The following NHS variants were observed in gnomAD, a reference collection of about 807,000 sequenced individuals.
NHS encodes NHS actin remodeling regulator.
NHS carries 5 observed loss-of-function variants against 72.5 expected under a neutral mutation model. That is an observed-to-expected ratio of 0.07 (90% CI 0.04 to 0.14). NHS has a LOEUF of 0.14. Ranked by LOEUF, NHS falls within the 10% of genes least tolerant of loss-of-function variation. NHS has a pLI of 1.00. For synonymous variants in NHS, 464 were observed against 547.7 expected (o/e 0.85, Z 2.13); for missense variants, 1,072 against 1,355.7 (o/e 0.79, Z 3.29).
At chrX:17,678,328 G>A (rs2066099468) in intron 1 of NHS, among the ~76,000 whole-genome samples, 1 of 107,929 alleles carries the variant, frequency 9.3e-6, no homozygotes, top group African/African-American at 3.4e-5. Flanking sequence ...CAGAGAATTA[G>A]TCTGTTCTCA....
chrX:17,442,346 C>A (rs771939224), intron 1 of NHS, among the ~76,000 whole-genome samples: 2 of 112,114 alleles, frequency 1.8e-5, no homozygotes, highest in Non-Finnish European at 3.8e-5. Context: ...CCAAAGAGCC[C>A]TGAATTGAGC....
At chrX:17,666,832 G>A (rs965804329) in intron 1 of NHS, among the ~76,000 whole-genome samples, 1 of 112,113 alleles carries the variant, frequency 8.9e-6, no homozygotes, top group Non-Finnish European at 1.9e-5. Context: ...AGCAGCACGC[G>A]AAAAGAGAGA....
chrX:17,699,464 T>A (rs2066249625), intron 3 of NHS, among the ~76,000 whole-genome samples: 1 of 112,210 alleles, frequency 8.9e-6, no homozygotes, highest in Non-Finnish European at 1.9e-5. Flanking sequence ...TGGAGTTTTT[T>A]AATGATGCTG....
intron 1 of NHS, among the ~76,000 whole-genome samples, chrX:17,588,070 T>A (rs1176424241): frequency 8.9e-6 from 1 of 112,214 alleles, no homozygotes; most frequent in Non-Finnish European, 1.9e-5. Flanking sequence ...CTTCCCATTC[T>A]TTTGCTTGGT....
At chrX:17,564,969 A>ATTTTTT (rs201932159) in intron 1 of NHS, among the ~76,000 whole-genome samples, 4 of 99,944 alleles carry the variant, frequency 4.0e-5, no homozygotes, top group African/African-American at 1.8e-4. Context: ...GTACAGCCAC[A>ATTTTTT]TTTTTTTTTA....
intron 1 of NHS, among the ~76,000 whole-genome samples, chrX:17,558,470 G>A (rs1411038596): frequency 8.9e-6 from 1 of 112,324 alleles, no homozygotes; most frequent in African/African-American, 3.2e-5. Flanking sequence ...AAGAGTGCCC[G>A]TTGGCTAGAG....
chrX:17,636,038 G>A, intron 1 of NHS, among the ~76,000 whole-genome samples: 1 of 112,217 alleles, frequency 8.9e-6, no homozygotes, highest in South Asian at 3.7e-4. Flanking sequence ...TTCTGGGAAG[G>A]GGCCCCATCC....
chrX:17,457,363 C>T (rs2064829528), intron 1 of NHS, among the ~76,000 whole-genome samples: 1 of 111,546 alleles, frequency 9.0e-6, no homozygotes, highest in African/African-American at 3.3e-5. Flanking sequence ...CGGTAAGCTT[C>T]TACTCGTAGT....
chrX:17,486,042 T>C (rs1210184396), intron 1 of NHS, among the ~76,000 whole-genome samples: 1 of 111,703 alleles, frequency 9.0e-6, no homozygotes, highest in Non-Finnish European at 1.9e-5. Flanking sequence ...CAAAACGTGA[T>C]TTCACTGCAG....
At chrX:17,416,273 G>C (rs1293490622) in intron 1 of NHS, among the ~76,000 whole-genome samples, 1 of 111,181 alleles carries the variant, frequency 9.0e-6, no homozygotes, top group Non-Finnish European at 1.9e-5. Flanking sequence ...ACAAGATAAA[G>C]TTCAAACTCC....
Position 17,726,951 on chromosome X carries a change from T to C in NHS, c.2845T>C (p.Trp949Arg), listed in dbSNP as rs749859082. ...CGAATCCACACACTATGCAGACCTC[T>C]GGCTCCTAAATGACTTGAAAACAAA... ...VAESTHYADL[W>R]LLNDLKTNDP... is the part of the protein sequence containing the mutation. The change falls in exon 7 of 9, where the codon TGG (tryptophan) becomes CGG (arginine). Residue 949 changes from tryptophan to arginine, a missense_variant. By Grantham distance (101) the Trp-to-Arg change is moderately radical. Transcript: ENST00000676302. 3.3e-6 allele frequency: 4 copies of C among 1,210,611 alleles called. No homozygotes were observed. In the South Asian group the frequency reaches 7.0e-5, roughly 21 times the overall value.
chrX:17,549,148 AAAG>A (rs1401978005), intron 1 of NHS, among the ~76,000 whole-genome samples: 5 of 103,753 alleles, frequency 4.8e-5, no homozygotes, highest in African/African-American at 1.5e-4. Context: ...AAAAAAAAAA[AAAG>A]AAAGAAAATG....
At chrX:17,472,651 G>A (rs1227591791) in intron 1 of NHS, among the ~76,000 whole-genome samples, 1 of 112,384 alleles carries the variant, frequency 8.9e-6, no homozygotes, top group African/African-American at 3.2e-5. Flanking sequence ...TGTGAGCACA[G>A]GAAATGTTCC....
chrX:17,515,156 C>T (rs2065113240), intron 1 of NHS, among the ~76,000 whole-genome samples: 1 of 112,082 alleles, frequency 8.9e-6, no homozygotes, highest in Non-Finnish European at 1.9e-5. Flanking sequence ...TATTACCTGA[C>T]ATGTACATGA....
At chrX:17,563,804 C>T (rs534365100) in intron 1 of NHS, among the ~76,000 whole-genome samples, 5 of 82,785 alleles carry the variant, frequency 6.0e-5, no homozygotes, top group African/African-American at 1.4e-4. Flanking sequence ...AGTGGGTGGA[C>T]GGGTGGGGGA....
chrX:17,666,420 G>GTATT (rs200276560), intron 1 of NHS, among the ~76,000 whole-genome samples: 9,653 of 111,355 alleles, frequency 0.087, 1,028 homozygotes, highest in African/African-American at 0.3. Flanking sequence ...AGGCCTCTGA[G>GTATT]TATTTCTCTG....
At position 17,636,010 on chromosome X, in the gene NHS, G is replaced by A. The variant is rs186033702; in HGVS notation, c.566-51732G>A. Among the ~76,000 whole-genome samples, 19 of 112,427 alleles carry A rather than the reference G, an allele frequency of 1.7e-4. No homozygotes were observed. In the East Asian group the frequency reaches 4.8e-3, roughly 28 times the overall value. ...AGTAGAGATTCCAGGGCAGGATTCC[G>A]GGGCTCTAGCTCAGGACTTCTGGGA... On this transcript the variant is annotated intron_variant, in intron 1 of 8. Transcript: ENST00000676302.
chrX:17,433,627 A>G (rs923899330), intron 1 of NHS, among the ~76,000 whole-genome samples: 2 of 111,472 alleles, frequency 1.8e-5, no homozygotes, highest in Admixed American at 1.9e-4. Flanking sequence ...GCCAACTGGC[A>G]CCTGAAAGGA....
intron 1 of NHS, chrX:17,635,512 C>T (rs1259818580): frequency 6.9e-6 from 8 of 1,167,569 alleles, no homozygotes; most frequent in African/African-American, 1.8e-5. Flanking sequence ...CATTCAGAGA[C>T]GTCTTTGCAT....
Sources: allele counts gnomAD v4.1 joint callset (sites outside exome capture counted in the v4.1 genomes callset), GRCh38; gene constraint gnomAD v4.1.1; transcripts MANE v1.5; gene names NCBI Gene and HGNC (gene_info 2026-07-23, HGNC 2026-07-21).